MYO9A: variants seen among roughly 807,000 people sequenced by gnomAD.
MYO9A encodes the protein myosin IXA, also known as unconventional myosin-IXa.
Under a neutral mutation model 293.3 loss-of-function variants are expected in MYO9A, and 103 were observed. The observed-to-expected ratio is 0.35, with a 90% CI of 0.30 to 0.41. The LOEUF (loss-of-function observed/expected upper bound fraction) is 0.41. MYO9A is among the 10% of genes least tolerant of loss of function. The pLI, the probability that MYO9A is intolerant of heterozygous loss-of-function variation, is 1.00. For synonymous variants in MYO9A, 1,001 were observed against 1,035.7 expected (o/e 0.97, Z 0.64); for missense variants, 2,685 against 3,033.0 (o/e 0.89, Z 2.69).
chr15:71,987,482 C>T (rs2076435159), intron 11 of MYO9A, among the ~76,000 whole-genome samples: 1 of 152,296 alleles, frequency 6.6e-6, no homozygotes, highest in East Asian at 1.9e-4. Context: ...TTCCCATTGA[C>T]AATCTAGTGA....
chr15:72,016,418 A>C (rs1345340878), intron 6 of MYO9A, among the ~76,000 whole-genome samples: 1 of 152,212 alleles, frequency 6.6e-6, no homozygotes, highest in Non-Finnish European at 1.5e-5. Flanking sequence ...AAATCACCAC[A>C]CAAGGGCAAC....
At chr15:71,919,528 G>C (rs1184931294) in intron 18 of MYO9A, among the ~76,000 whole-genome samples, 1 of 152,002 alleles carries the variant, frequency 6.6e-6, no homozygotes, top group African/African-American at 2.4e-5. Flanking sequence ...CTAAAATACT[G>C]TCTGGTTTAG....
chr15:72,045,586 G>C, intron 2 of MYO9A, 138 bp downstream of exon 2: 1 of 1,024,452 alleles, frequency 9.8e-7, no homozygotes, highest in African/African-American at 1.6e-5. Flanking sequence ...TTTTGGAGCT[G>C]GGAGATGGAA....
intron 4 of MYO9A, among the ~76,000 whole-genome samples, chr15:72,023,188 A>G (rs901140176): frequency 2.0e-5 from 3 of 152,226 alleles, no homozygotes; most frequent in Non-Finnish European, 4.4e-5. Context: ...AGCAAATATG[A>G]GTAGGCAGAA....
chr15:72,038,415 T>C (rs1293083830), intron 2 of MYO9A, among the ~76,000 whole-genome samples: 1 of 152,196 alleles, frequency 6.6e-6, no homozygotes, highest in Non-Finnish European at 1.5e-5. Flanking sequence ...CAAGTCTCAA[T>C]AACTTTAAGA....
chr15:71,868,401 T>C (rs1463174038), intron 32 of MYO9A, among the ~76,000 whole-genome samples: 2 of 152,226 alleles, frequency 1.3e-5, no homozygotes, highest in African/African-American at 2.4e-5. Flanking sequence ...TCATCTCTCT[T>C]ACTGACTCTT....
intron 40 of MYO9A, 54 bp from the exon 41 acceptor site, chr15:71,828,080 T>A (rs1171929737): frequency 1.0e-5 from 16 of 1,556,734 alleles, no homozygotes; most frequent in Middle Eastern, 1.7e-4. Context: ...GGAAGGAAGA[T>A]AACAGAAAAA....
chr15:72,097,484 A>C (rs1467087443), intron 1 of MYO9A, among the ~76,000 whole-genome samples: 1 of 152,236 alleles, frequency 6.6e-6, no homozygotes, highest in Non-Finnish European at 1.5e-5. Flanking sequence ...CATAAGTCTT[A>C]TACGCAATGG....
chr15:71,846,726 T>C (rs146593219), intron 39 of MYO9A, among the ~76,000 whole-genome samples: 6 of 145,098 alleles, frequency 4.1e-5, no homozygotes, highest in African/African-American at 1.5e-4. Context: ...GGTGGACAGT[T>C]TTCCACAAAT....
chr15:72,062,439 A>G (rs1163013188), intron 1 of MYO9A, among the ~76,000 whole-genome samples: 1 of 152,240 alleles, frequency 6.6e-6, no homozygotes, highest in Non-Finnish European at 1.5e-5. Context: ...AGGAAACTCA[A>G]CAAAACTCAA....
chr15:71,959,115 C>T (rs1328603607), intron 14 of MYO9A: 1 of 152,124 alleles, frequency 6.6e-6, no homozygotes, highest in Non-Finnish European at 1.5e-5. Flanking sequence ...AAAGGCAAAG[C>T]AGGTTTGAGA....
intron 2 of MYO9A, among the ~76,000 whole-genome samples, chr15:72,035,340 C>T (rs1325543188): frequency 6.6e-6 from 1 of 151,404 alleles, no homozygotes; most frequent in Non-Finnish European, 1.5e-5. Flanking sequence ...TTATCATCAG[C>T]TTTTTGACAG....
chr15:72,014,018 G>A (rs1036488804), intron 6 of MYO9A, among the ~76,000 whole-genome samples: 3 of 152,146 alleles, frequency 2.0e-5, no homozygotes, highest in Admixed American at 2.0e-4. Flanking sequence ...TGTTGCCCAG[G>A]CTGGTCTTAA....
chr15:71,994,004 G>A (rs1230534593), intron 10 of MYO9A, among the ~76,000 whole-genome samples: 1 of 149,432 alleles, frequency 6.7e-6, no homozygotes. Context: ...TTATCCTAGA[G>A]AAATGTATAC....
chr15:72,011,398 T>C (rs917100350), intron 6 of MYO9A, among the ~76,000 whole-genome samples: 1 of 151,692 alleles, frequency 6.6e-6, no homozygotes, highest in African/African-American at 2.4e-5. Context: ...ACAGACAACA[T>C]GGTAATCAAA....
At chr15:72,091,777 G>A (rs575345820) in intron 1 of MYO9A, among the ~76,000 whole-genome samples, 7 of 150,384 alleles carry the variant, frequency 4.7e-5, no homozygotes, top group East Asian at 3.9e-4. Flanking sequence ...GCAGTGGCGC[G>A]ATCTCGGCTC....
intron 1 of MYO9A, among the ~76,000 whole-genome samples, chr15:72,082,464 CCAAGGACATGGA>C (rs1176989598): frequency 6.6e-6 from 1 of 152,118 alleles, no homozygotes; most frequent in Non-Finnish European, 1.5e-5. Flanking sequence ...ATGTCATCTG[CCAAGGACATGGA>C]CAGGGACATG....
At chr15:71,975,419 G>GTGTGTGTGTT (rs1567337099) in intron 12 of MYO9A, among the ~76,000 whole-genome samples, 2 of 151,124 alleles carry the variant, frequency 1.3e-5, no homozygotes, top group African/African-American at 2.4e-5. Context: ...GTGTGTGTGT[G>GTGTGTGTGTT]TGTGTGTGTA....
chr15:71,838,751 A>G (rs959836453), intron 39 of MYO9A, among the ~76,000 whole-genome samples: 31 of 152,306 alleles, frequency 2.0e-4, no homozygotes, highest in Admixed American at 3.3e-4. Flanking sequence ...ATCACAGATA[A>G]TATGCTTTTG....
Sources: allele counts gnomAD v4.1 joint callset (sites outside exome capture counted in the v4.1 genomes callset), GRCh38; gene constraint gnomAD v4.1.1; transcripts MANE v1.5; gene names NCBI Gene and HGNC (gene_info 2026-07-23, HGNC 2026-07-21).